The following ANKRD30B variants were observed in gnomAD, a reference collection of about 807,000 sequenced individuals.
ANKRD30B encodes ankyrin repeat domain 30B.
A neutral mutation model predicts 202.2 loss-of-function variants in ANKRD30B; 144 were observed. That is an observed-to-expected ratio of 0.71 (90% CI 0.62 to 0.82). The LOEUF is 0.82. Ranked by LOEUF, ANKRD30B falls within the 40% of genes least tolerant of loss-of-function variation. The probability of loss-of-function intolerance (pLI) is 0.00; values close to 1 mark genes in which losing one functional copy is unlikely to be tolerated. For missense variants in ANKRD30B, 1,487 were observed against 1,669.1 expected (o/e 0.89, Z 1.90); for synonymous variants, 508 against 561.3 (o/e 0.91, Z 1.34).
chr18:14,782,530 CTCTT>C lies in ANKRD30B; in HGVS notation c.1488_1491del (p.Phe497ArgfsTer18), dbSNP rs763823423. On this transcript the variant is annotated frameshift_variant, in exon 12 of 44. Transcript: ENST00000690538. LOFTEE classifies it high-confidence loss of function. ...CTATTGATACTACTTTTAACAGAGTCTCTTTGAGAGTTCTGCAAAGACTCAAGTG... is the reference window on the plus strand; with the variant it reads ...CTATTGATACTACTTTTAACAGAGTCTGAGAGTTCTGCAAAGACTCAAGTG... 1 of 1,571,510 alleles carries C rather than the reference CTCTT, an allele frequency of 6.4e-7. No individual in the cohort carries two copies. Among genetic ancestry groups the C allele is most frequent in the Non-Finnish European group, 8.6e-7 (1 of 1,161,186 alleles).
intron 16 of ANKRD30B, among the ~76,000 whole-genome samples, chr18:14,793,729 A>G (rs1968680463): frequency 6.6e-6 from 1 of 151,762 alleles, no homozygotes; most frequent in Non-Finnish European, 1.5e-5. Flanking sequence ...CCCATCTCTA[A>G]TAAAAATACA....
At chr18:14,769,867 T>C (rs1047851445) in intron 8 of ANKRD30B, among the ~76,000 whole-genome samples, 1 of 152,228 alleles carries the variant, frequency 6.6e-6, no homozygotes, top group African/African-American at 2.4e-5. Context: ...GTTATTATCA[T>C]CAAAGTGTTT....
intron 10 of ANKRD30B, 91 bp downstream of exon 10, chr18:14,778,166 A>T: frequency 1.2e-6 from 1 of 825,802 alleles, no homozygotes; most frequent in Non-Finnish European, 1.9e-6. Context: ...AGAGAAAATT[A>T]TTTTTTAAAT....
chr18:14,786,304 A>G (rs1968082201), intron 14 of ANKRD30B, among the ~76,000 whole-genome samples: 5 of 152,138 alleles, frequency 3.3e-5, no homozygotes, highest in Admixed American at 3.3e-4. Flanking sequence ...TATCCTATAC[A>G]ACATGTGGGA....
intron 14 of ANKRD30B, 32 bp from the exon 15 acceptor site, chr18:14,787,007 T>C (rs1442246835): frequency 5.7e-6 from 9 of 1,587,446 alleles, no homozygotes; most frequent in Admixed American, 1.8e-5. Flanking sequence ...AGAAATGTTC[T>C]CATGAATACA....
chr18:14,861,878 T>C, the ANKRD30B span, among the ~76,000 whole-genome samples: 1 of 152,180 alleles, frequency 6.6e-6, no homozygotes, highest in Non-Finnish European at 1.5e-5. Flanking sequence ...ATTGACCACA[T>C]GCTCAGTCAT....
chr18:14,845,950 C>G (rs1228441636), intron 39 of ANKRD30B, among the ~76,000 whole-genome samples: 1 of 152,136 alleles, frequency 6.6e-6, no homozygotes, highest in Non-Finnish European at 1.5e-5. Context: ...AAACTCCTAC[C>G]TCCTAATAAC....
chr18:14,840,400 G>A (rs543639402), intron 36 of ANKRD30B, among the ~76,000 whole-genome samples, 188 bp from the exon 37 acceptor site: 3 of 152,190 alleles, frequency 2.0e-5, no homozygotes, highest in South Asian at 2.1e-4. Context: ...TTAGCCAGGT[G>A]TGGTAGCTCA....
intron 15 of ANKRD30B, among the ~76,000 whole-genome samples, chr18:14,790,559 G>A (rs866797242): frequency 2.7e-4 from 41 of 152,156 alleles, no homozygotes; most frequent in African/African-American, 7.5e-4. Flanking sequence ...TTTGAGATAC[G>A]TCCCATCAAT....
At chr18:14,858,973 C>T (rs1972141135), downstream of ANKRD30B, among the ~76,000 whole-genome samples, 1 of 94,028 alleles carries the variant, frequency 1.1e-5, no homozygotes, top group Non-Finnish European at 2.2e-5. Flanking sequence ...AGGAACTCCT[C>T]ACCTCCCAGA....
At chr18:14,796,437 T>G (rs761329065) in intron 18 of ANKRD30B, 22 bp downstream of exon 18, 3 of 1,535,566 alleles carry the variant, frequency 2.0e-6, no homozygotes, top group Non-Finnish European at 2.6e-6. Context: ...AATTTAACTT[T>G]TAATCTGTAA....
chr18:14,821,164 G>T (rs1379174316), intron 30 of ANKRD30B, among the ~76,000 whole-genome samples: 1 of 152,154 alleles, frequency 6.6e-6, no homozygotes, highest in Non-Finnish European at 1.5e-5. Flanking sequence ...GGTGTTTGTA[G>T]TATTCTCTGA....
At chr18:14,933,634 G>A in the ANKRD30B span, among the ~76,000 whole-genome samples, 4 of 152,154 alleles carry the variant, frequency 2.6e-5, no homozygotes, top group Non-Finnish European at 4.4e-5. Flanking sequence ...GGTGCAGACA[G>A]GGAGGGGCAG....
the ANKRD30B span, among the ~76,000 whole-genome samples, chr18:14,915,110 CT>C: frequency 6.6e-6 from 1 of 152,172 alleles, no homozygotes; most frequent in Non-Finnish European, 1.5e-5. Flanking sequence ...GATCTCCATG[CT>C]CCCCCCACTA....
intron 1 of ANKRD30B, among the ~76,000 whole-genome samples, chr18:14,751,399 A>G (rs1913426883): frequency 1.3e-5 from 2 of 152,076 alleles, no homozygotes; most frequent in Non-Finnish European, 2.9e-5. Context: ...TCATCCTTAA[A>G]AATTTCATGT....
the ANKRD30B span, chr18:14,910,149 A>G: frequency 6.6e-6 from 1 of 152,196 alleles, no homozygotes; most frequent in Non-Finnish European, 1.5e-5. Context: ...CCATGCATAT[A>G]TTGCAGAGTG....
chr18:14,795,993 A>G (rs9303862), intron 16 of ANKRD30B, among the ~76,000 whole-genome samples: 87,264 of 151,884 alleles, frequency 0.57, 25,822 homozygotes, highest in African/African-American at 0.72. Context: ...TTTGATTGTT[A>G]AAATCTCCAT....
the ANKRD30B span, among the ~76,000 whole-genome samples, chr18:14,861,533 A>T: frequency 6.6e-6 from 1 of 151,164 alleles, no homozygotes; most frequent in African/African-American, 2.4e-5. Flanking sequence ...AAAGAATGAC[A>T]TTATATAATG....
At chr18:14,930,593 G>A in the ANKRD30B span, among the ~76,000 whole-genome samples, 3 of 152,160 alleles carry the variant, frequency 2.0e-5, no homozygotes, top group South Asian at 4.1e-4. Context: ...GTGCTATGGG[G>A]TAGACACACC....
Sources: allele counts gnomAD v4.1 joint callset (sites outside exome capture counted in the v4.1 genomes callset), GRCh38; gene constraint gnomAD v4.1.1; transcripts MANE v1.5; gene names NCBI Gene and HGNC (gene_info 2026-07-23, HGNC 2026-07-21).